The following TAOK1 variants were observed in gnomAD, a reference collection of about 807,000 sequenced individuals.
The protein encoded by TAOK1 is TAO kinase 1, also known as serine/threonine-protein kinase TAO1.
TAOK1 carries 21 observed loss-of-function variants against 138.3 expected under a neutral mutation model. The ratio of observed to expected loss-of-function variants is 0.15; its 90% CI spans 0.11 to 0.22. The LOEUF is 0.22. TAOK1 is among the 10% of genes least tolerant of loss of function. The pLI is 1.00. For missense variants in TAOK1, 651 were observed against 1,227.7 expected (o/e 0.53, Z 7.02); for synonymous variants, 361 against 398.4 (o/e 0.91, Z 1.12).
At chr17:29,452,903 T>C (rs973438487) in intron 2 of TAOK1, among the ~76,000 whole-genome samples, 2 of 152,220 alleles carry the variant, frequency 1.3e-5, no homozygotes, top group African/African-American at 4.8e-5. Context: ...ACATGGGTTG[T>C]TTCCACTTTT....
chr17:29,437,582 G>C (rs1258514395), intron 1 of TAOK1, among the ~76,000 whole-genome samples: 7 of 152,062 alleles, frequency 4.6e-5, no homozygotes. Flanking sequence ...ATCCATGTCT[G>C]ATTAATTTTG....
intron 13 of TAOK1, among the ~76,000 whole-genome samples, chr17:29,505,194 A>G (rs1481228029): frequency 6.6e-6 from 1 of 152,226 alleles, no homozygotes; most frequent in Non-Finnish European, 1.5e-5. Flanking sequence ...TATAAGTGCT[A>G]TATACCATAA....
At chr17:29,473,594 C>CA (rs1421657758) in intron 3 of TAOK1, among the ~76,000 whole-genome samples, 2,809 of 94,076 alleles carry the variant, frequency 0.03, 120 homozygotes, top group African/African-American at 0.091. Context: ...GTGAAACTCT[C>CA]AAAAAAAAAA....
At chr17:29,469,503 A>G (rs1308594051) in intron 3 of TAOK1, among the ~76,000 whole-genome samples, 2 of 152,126 alleles carry the variant, frequency 1.3e-5, no homozygotes, top group Non-Finnish European at 2.9e-5. Context: ...CCACCAGTCT[A>G]CTTTCTGTCT....
At chr17:29,495,916 A>T (rs531525648) in intron 11 of TAOK1, among the ~76,000 whole-genome samples, 189 bp downstream of exon 11, 1 of 151,232 alleles carries the variant, frequency 6.6e-6, no homozygotes, top group South Asian at 2.1e-4. Context: ...AAGAAAAGTT[A>T]AAAAAAAAGT....
chr17:29,465,837 CTTTTTTTTTT>C (rs3058623), intron 2 of TAOK1, among the ~76,000 whole-genome samples: 35 of 45,454 alleles, frequency 7.7e-4, no homozygotes, highest in African/African-American at 2.6e-3. Flanking sequence ...AGTTTCTGTG[CTTTTTTTTTT>C]TTTTTTTTTT....
At chr17:29,536,787 C>T (rs1169299380) in intron 19 of TAOK1, among the ~76,000 whole-genome samples, 3 of 150,348 alleles carry the variant, frequency 2.0e-5, no homozygotes, top group Admixed American at 1.3e-4. Flanking sequence ...GCAAGCTCCA[C>T]CTCCCGGGTT....
chr17:29,438,193 TTTA>T (rs1319974941), intron 1 of TAOK1, among the ~76,000 whole-genome samples: 1 of 152,208 alleles, frequency 6.6e-6, no homozygotes, highest in Non-Finnish European at 1.5e-5. Context: ...TAAATTTATT[TTTA>T]TTATTTTTAT....
chr17:29,527,415 T>C (rs1182848630), intron 17 of TAOK1, among the ~76,000 whole-genome samples: 1 of 152,108 alleles, frequency 6.6e-6, no homozygotes, highest in African/African-American at 2.4e-5. Context: ...CAGTGAGCCA[T>C]GATCATGGCA....
intron 2 of TAOK1, among the ~76,000 whole-genome samples, chr17:29,465,124 T>C (rs1468666997): frequency 1.4e-5 from 2 of 144,386 alleles, no homozygotes; most frequent in African/African-American, 2.6e-5. Context: ...CCTGGTCTTA[T>C]TTAATTTTTT....
At chr17:29,415,247 C>T (rs1567712003) in intron 1 of TAOK1, among the ~76,000 whole-genome samples, 1 of 152,016 alleles carries the variant, frequency 6.6e-6, no homozygotes, top group South Asian at 2.1e-4. Flanking sequence ...GGATTACAGG[C>T]GGTGAGCCAC....
At chr17:29,449,976 T>C (rs764244952) in intron 1 of TAOK1, among the ~76,000 whole-genome samples, 2 of 152,260 alleles carry the variant, frequency 1.3e-5, no homozygotes, top group African/African-American at 4.8e-5. Context: ...ATGCTTTCAT[T>C]TATTAACTCA....
intron 1 of TAOK1, among the ~76,000 whole-genome samples, chr17:29,418,738 G>A (rs994324853): frequency 1.3e-5 from 2 of 152,120 alleles, no homozygotes; most frequent in Non-Finnish European, 2.9e-5. Flanking sequence ...TTGGTGCATG[G>A]CAAATTCAAG....
intron 1 of TAOK1, among the ~76,000 whole-genome samples, chr17:29,430,320 C>G (rs925998137): frequency 2.6e-5 from 4 of 152,214 alleles, no homozygotes; most frequent in Non-Finnish European, 5.9e-5. Context: ...ACTTCATGCT[C>G]ACCTCATGTA....
chr17:29,508,418 C>T (rs932016320), intron 14 of TAOK1, among the ~76,000 whole-genome samples: 3 of 152,034 alleles, frequency 2.0e-5, no homozygotes, highest in African/African-American at 7.2e-5. Flanking sequence ...TTTGTAATAG[C>T]CAACAAAATT....
intron 12 of TAOK1, among the ~76,000 whole-genome samples, chr17:29,501,423 CAAAA>C (rs34004946): frequency 1.4e-4 from 15 of 108,998 alleles, no homozygotes; most frequent in Admixed American, 4.5e-4. Context: ...GACCCTGTCT[CAAAA>C]AAAAAAAAAA....
chr17:29,526,620 A>T (rs1172002386), intron 17 of TAOK1, among the ~76,000 whole-genome samples: 1 of 151,688 alleles, frequency 6.6e-6, no homozygotes, highest in African/African-American at 2.4e-5. Context: ...CACCATATTG[A>T]CCAGGCTGGT....
intron 1 of TAOK1, among the ~76,000 whole-genome samples, chr17:29,394,411 C>T (rs1361422232): frequency 3.3e-5 from 5 of 151,844 alleles, no homozygotes; most frequent in African/African-American, 4.8e-5. Flanking sequence ...GTGATCTGCC[C>T]GCCTCAGCCT....
intron 8 of TAOK1, among the ~76,000 whole-genome samples, chr17:29,484,057 G>A (rs1333375226): frequency 6.6e-6 from 1 of 152,130 alleles, no homozygotes; most frequent in African/African-American, 2.4e-5. Context: ...TTGATTAGAA[G>A]GTATTTGTTG....
Sources: gnomAD v4.1 joint callset for allele counts (sites outside exome capture counted in the v4.1 genomes callset) on GRCh38, gnomAD v4.1.1 for gene constraint, MANE v1.5 for transcripts, NCBI Gene and HGNC (gene_info 2026-07-23, HGNC 2026-07-21) for gene names.